The following CHSY1 variants were observed in gnomAD, a reference collection of about 807,000 sequenced individuals.
CHSY1 encodes the protein chondroitin sulfate synthase 1.
A neutral mutation model predicts 59.8 loss-of-function variants in CHSY1; 13 were observed. The observed-to-expected ratio is 0.22, with a 90% CI of 0.14 to 0.35. The LOEUF is 0.35. Among genes scored for constraint, CHSY1 ranks in the 10% least tolerant of loss-of-function variants. The pLI is 1.00. For missense variants in CHSY1, 947 were observed against 1,030.6 expected (o/e 0.92, Z 1.11); for synonymous variants, 459 against 401.2 (o/e 1.14, Z -1.72).
chr15:101,199,731 T>G lies in CHSY1; in HGVS notation c.817-20751A>C, dbSNP rs1041629695. On this transcript the variant is annotated intron_variant, in intron 2 of 2. Coordinates refer to ENST00000254190, the MANE Select transcript of CHSY1 (RefSeq NM_014918.5). ...TCAAGTTAGATGAAAAACCTGGAAGTGGCAATGCTGGACAGGAAACACGAC... is the reference window on the plus strand; with the variant it reads ...TCAAGTTAGATGAAAAACCTGGAAGGGGCAATGCTGGACAGGAAACACGAC... Among the ~76,000 whole-genome samples, 3 of 152,276 alleles carry G rather than the reference T, an allele frequency of 2.0e-5. No individual in the cohort carries two copies. The East Asian group carries it at 5.8e-4, about 29-fold the overall frequency.
At chr15:101,179,421 G>C (rs2038244658) in intron 2 of CHSY1, among the ~76,000 whole-genome samples, 1 of 152,210 alleles carries the variant, frequency 6.6e-6, no homozygotes, top group Non-Finnish European at 1.5e-5. Context: ...CTGAGAGCCA[G>C]AAGAACTCCA....
chr15:101,228,388 C>A (rs1473088639), intron 2 of CHSY1, among the ~76,000 whole-genome samples: 1 of 151,942 alleles, frequency 6.6e-6, no homozygotes, highest in East Asian at 1.9e-4. Context: ...CAACAAACTC[C>A]AAGTATGATA....
chr15:101,177,580 T>C lies in CHSY1; in HGVS notation c.2217A>G (p.Glu739=). ...GATGGTGGACGTGGACTACTCCTACTTCCTGGCTCCTAAACGTCTTCAAAC... is the reference window on the plus strand; with the variant it reads ...GATGGTGGACGTGGACTACTCCTACCTCCTGGCTCCTAAACGTCTTCAAAC... The part of the protein sequence containing the change: ...QAGLKTFRSQ[E]VGVVHVHHPV... The change falls in exon 3 of 3, where the codon GAA becomes GAG. Residue 739 remains glutamate (E), a synonymous_variant. Coordinates refer to ENST00000254190, the MANE Select transcript of CHSY1 (RefSeq NM_014918.5). 1.2e-6 allele frequency: 2 copies of C among 1,614,186 alleles called. No homozygotes were observed. Among genetic ancestry groups the C allele is most frequent in the South Asian group, 1.1e-5 (1 of 91,084 alleles).
At chr15:101,237,768 A>G (rs2038961859) in intron 1 of CHSY1, among the ~76,000 whole-genome samples, 1 of 152,260 alleles carries the variant, frequency 6.6e-6, no homozygotes, top group Non-Finnish European at 1.5e-5. Context: ...TTGTTTGGCT[A>G]TAATAATTCA....
chr15:101,179,686 C>T (rs545807059), intron 2 of CHSY1, among the ~76,000 whole-genome samples: 29 of 152,374 alleles, frequency 1.9e-4, no homozygotes, highest in Middle Eastern at 6.8e-3. Context: ...CACGGGGTCT[C>T]CGGCACCAGC....
At chr15:101,187,944 C>G (rs1175986161) in intron 2 of CHSY1, 4 of 834,728 alleles carry the variant, frequency 4.8e-6, no homozygotes, top group Non-Finnish European at 5.8e-6. Flanking sequence ...TCTAGCCCAG[C>G]TGGGAATAAC....
At chr15:101,203,475 C>CA (rs2038593425) in intron 2 of CHSY1, among the ~76,000 whole-genome samples, 1 of 152,124 alleles carries the variant, frequency 6.6e-6, no homozygotes, top group Non-Finnish European at 1.5e-5. Flanking sequence ...CATCATTTGA[C>CA]AAACATCATT....
chr15:101,231,339 G>C (rs146963925), intron 2 of CHSY1, among the ~76,000 whole-genome samples: 2 of 152,270 alleles, frequency 1.3e-5, no homozygotes, highest in African/African-American at 4.8e-5. Flanking sequence ...TCATGTAAAC[G>C]GGGAGAGAAG....
chr15:101,212,415 C>A (rs192693697), intron 2 of CHSY1, among the ~76,000 whole-genome samples: 1 of 152,276 alleles, frequency 6.6e-6, no homozygotes, highest in East Asian at 1.9e-4. Context: ...TAGAAATACT[C>A]CAGGTGAAGT....
At chr15:101,188,235 A>G in intron 2 of CHSY1, 4 of 972,622 alleles carry the variant, frequency 4.1e-6, no homozygotes, top group Non-Finnish European at 4.9e-6. Flanking sequence ...AAGTGGTTCA[A>G]AGAAAGTAAG....
At position 101,251,405 on chromosome 15, in the gene CHSY1, G is replaced by T. The variant is rs1423920992; in HGVS notation, c.52C>A (p.Leu18Met). 8.6e-7 allele frequency: 1 copy of T among 1,158,468 alleles called. No individual in the cohort carries two copies. Among genetic ancestry groups the T allele is most frequent in the Non-Finnish European group, 1.1e-6 (1 of 921,364 alleles). 71.8% of individuals were successfully genotyped at this position (1,158,468 alleles called of 1,614,324 possible). A position where few individuals can be genotyped will look rare whatever the true frequency, so the allele number is the denominator to read the frequency against. ...AGCCGCGAGGCCAGCACGAAGCCCA[G>T]GACGAGCCCGAGCAGCACGCTGAGC... ...AWLSVLLGLV[L>M]GFVLASRLVL... The change falls in exon 1 of 3, where the codon CTG becomes ATG. Residue 18 changes from leucine to methionine, a missense_variant. Transcript: ENST00000254190.
chr15:101,202,565 C>T (rs2038584679), intron 2 of CHSY1, among the ~76,000 whole-genome samples: 1 of 135,836 alleles, frequency 7.4e-6, no homozygotes, highest in Non-Finnish European at 1.6e-5. Flanking sequence ...TCAGACACAG[C>T]AGAGGCTGCA....
intron 1 of CHSY1, among the ~76,000 whole-genome samples, chr15:101,248,032 ACAGTTGTTTTTTTG>A (rs1045683649): frequency 4.6e-5 from 7 of 152,074 alleles, no homozygotes; most frequent in African/African-American, 1.7e-4. Flanking sequence ...AAGCCAAACA[ACAGTTGTTTTTTTG>A]TTTTTTTTAA....
intron 1 of CHSY1, among the ~76,000 whole-genome samples, chr15:101,238,145 A>T (rs8033300): frequency 0.28 from 42,633 of 151,610 alleles, 7,932 homozygotes; most frequent in African/African-American, 0.53. Context: ...TGTTTTTTTT[A>T]AAAAAAATTG....
chr15:101,231,567 T>C (rs1230523785), intron 2 of CHSY1, among the ~76,000 whole-genome samples: 2 of 152,162 alleles, frequency 1.3e-5, no homozygotes, highest in African/African-American at 2.4e-5. Context: ...TATCTCCAAA[T>C]TTCATCAATA....
chr15:101,180,399 C>T (rs549566932), intron 2 of CHSY1, among the ~76,000 whole-genome samples: 2 of 152,188 alleles, frequency 1.3e-5, no homozygotes, highest in Non-Finnish European at 1.5e-5. Context: ...ATGGCAGGTG[C>T]ACGCATGGAC....
intron 2 of CHSY1, among the ~76,000 whole-genome samples, chr15:101,233,549 C>A (rs993044985): frequency 2.0e-5 from 3 of 152,132 alleles, no homozygotes. Context: ...CTTAAAACAG[C>A]GTGAAACCCT....
intron 2 of CHSY1, among the ~76,000 whole-genome samples, chr15:101,207,305 T>C (rs1374171583): frequency 2.0e-5 from 3 of 152,238 alleles, no homozygotes; most frequent in Non-Finnish European, 2.9e-5. Context: ...TACGTCCACA[T>C]AACCCTTCAG....
chr15:101,208,652 G>C (rs1340754700), intron 2 of CHSY1, among the ~76,000 whole-genome samples: 1 of 148,818 alleles, frequency 6.7e-6, no homozygotes, highest in Non-Finnish European at 1.5e-5. Flanking sequence ...GGCGGAGGTT[G>C]CAGTGAACCG....
Sources: gnomAD v4.1 joint callset for allele counts (sites outside exome capture counted in the v4.1 genomes callset) on GRCh38, gnomAD v4.1.1 for gene constraint, MANE v1.5 for transcripts, NCBI Gene and HGNC (gene_info 2026-07-23, HGNC 2026-07-21) for gene names.